Variants in SLC26A6 observed in about 807,000 individuals in gnomAD.
The protein encoded by SLC26A6 is solute carrier family 26 member 6.
A neutral mutation model predicts 87.1 loss-of-function variants in SLC26A6; 67 were observed. The ratio of observed to expected loss-of-function variants is 0.77; its 90% CI spans 0.63 to 0.94. SLC26A6 has a LOEUF of 0.94. Ranked by LOEUF, SLC26A6 falls within the 40% of genes least tolerant of loss-of-function variation. The pLI, the probability that SLC26A6 is intolerant of heterozygous loss-of-function variation, is 0.00. For missense variants in SLC26A6, 902 were observed against 973.0 expected (o/e 0.93, Z 0.97); for synonymous variants, 414 against 405.9 (o/e 1.02, Z -0.24).
At chr3:48,626,382 A>G in intron 19 of SLC26A6, 28 bp from the exon 20 acceptor site, 1 of 1,613,550 alleles carries the variant, frequency 6.2e-7, no homozygotes, top group Non-Finnish European at 8.5e-7. Context: ...GCCTCCCCTG[A>G]CTCTCAGAAC....
chr3:48,626,744 G>A (rs997358142), intron 18 of SLC26A6, 59 bp from the exon 19 acceptor site: 16 of 1,611,372 alleles, frequency 9.9e-6, no homozygotes, highest in East Asian at 8.9e-5. Flanking sequence ...AGGGGGGCTC[G>A]GGCAGGCTTG....
chr3:48,628,405 T>TG lies in SLC26A6; in HGVS notation c.1800+28dup. ...GGGGCAGGGAACAGGGGGCAGGAGATGGGGGTCACCAGACAAAAGGGGCCC... is the reference window on the plus strand; with the variant it reads ...GGGGCAGGGAACAGGGGGCAGGAGATGGGGGGTCACCAGACAAAAGGGGCCC... On this transcript the variant is annotated intron_variant, in intron 16 of 20. Transcript: ENST00000395550. This position sits in a 1 kb window ranked among gnomAD's most constrained non-coding sequence, Gnocchi z 4.4. 2 of 1,595,746 alleles carry TG rather than the reference T, an allele frequency of 1.3e-6. No homozygotes were observed. Among genetic ancestry groups the TG allele is most frequent in the Non-Finnish European group, 1.7e-6 (2 of 1,172,052 alleles).
chr3:48,629,532 A>G (rs986917273), intron 14 of SLC26A6, 110 bp downstream of exon 14: 49 of 1,248,996 alleles, frequency 3.9e-5, no homozygotes, highest in Non-Finnish European at 5.2e-5. Flanking sequence ...GACCAAAGCC[A>G]AAGTATCCTC....
rs372757804 is a variant in SLC26A6, at chr3:48,633,255, C to T, written c.318G>A (p.Pro106=). Residue 106 remains proline (P), a synonymous_variant, in exon 3 of 21, where the codon CCG becomes CCA. Transcript: ENST00000395550. ...SGLSVAIMQL[P]QGLAYALLAG... is the part of the protein sequence containing the mutation. ...GACGCACTGAAGGTGGCTCACCCTGCGGAAGCTGCATGATGGCCACACTCA... is the reference window on the plus strand; with the variant it reads ...GACGCACTGAAGGTGGCTCACCCTGTGGAAGCTGCATGATGGCCACACTCA... 69 of 1,612,652 alleles carry T rather than the reference C, an allele frequency of 4.3e-5. No homozygotes were observed. The African/African-American group carries it at 5.5e-4, about 13-fold the overall frequency.
Position 48,635,363 on chromosome 3 carries a change from G to A in SLC26A6, c.23+8C>T. 6.3e-7 allele frequency: 1 copy of A among 1,589,376 alleles called. No homozygotes were observed. The highest frequency in any genetic ancestry group is 8.6e-7 in the Non-Finnish European group (1 of 1,169,240). ...CGCGGGGCCACCGGGAATGTGCGCTGAACTCACCCCGACGCATCCGCCAGC... is the reference window on the plus strand; with the variant it reads ...CGCGGGGCCACCGGGAATGTGCGCTAAACTCACCCCGACGCATCCGCCAGC... On this transcript the variant is annotated splice_region_variant and intron_variant, in intron 1 of 20. Transcript: ENST00000395550.
chr3:48,627,147 TG>T, intron 17 of SLC26A6, 92 bp from the exon 18 acceptor site: 1 of 1,458,838 alleles, frequency 6.9e-7, no homozygotes. Flanking sequence ...CAAGGTCAGA[TG>T]GGGAGCATGC....
In SLC26A6 at chr3:48,627,991, G is replaced by T; in HGVS notation, c.1848C>A (p.Ser616Arg). ...CGTTGTTGCTCCTCATGTCTTCAAG[G>T]CTGGTGTTGACATTAATGGAAACTG... Reference protein sequence around the residue: ...GASVSINVNTSLEDMRSNNVE... With the variant: ...GASVSINVNTRLEDMRSNNVE... The change falls in exon 17 of 21, where the codon AGC becomes AGA. Residue 616 changes from serine (S) to arginine (R), a missense_variant. Ser to Arg is a moderately radical substitution (Grantham distance 110). Transcript: ENST00000395550. The T allele has an allele frequency of 1.3e-6, 2 of 1,594,186 alleles. No homozygotes were observed. The highest frequency in any genetic ancestry group is 1.1e-5 in the South Asian group (1 of 87,222).
In SLC26A6 at chr3:48,630,707, A is replaced by G; in HGVS notation, c.1148T>C (p.Leu383Pro). ...GCCTCCGATAAGGTTACTGAGGCCC[A>G]GGGCCACCAGCTCCTGACGGGGGAC... ...RVDSNQELVA[L>P]GLSNLIGGIF... The change falls in exon 10 of 21, where the codon CTG becomes CCG. Residue 383 changes from leucine to proline, a missense_variant. Transcript: ENST00000395550. The G allele has an allele frequency of 6.2e-7, 1 of 1,600,284 alleles. No individual in the cohort carries two copies. Among genetic ancestry groups the G allele is most frequent in the South Asian group, 1.1e-5 (1 of 89,356 alleles).
chr3:48,629,868 T>G lies in SLC26A6; in HGVS notation c.1529+4A>C. 6.2e-7 allele frequency: 1 copy of G among 1,614,048 alleles called. No individual in the cohort carries two copies. The highest frequency in any genetic ancestry group is 1.1e-5 in the South Asian group (1 of 91,070). On this transcript the variant is annotated splice_donor_region_variant and intron_variant, in intron 13 of 20. Transcript: ENST00000395550. ...GAATGAGGGGACCAACATGGCGGAC[T>G]CACATCTGTGTCCGGACCACCACGA...
In SLC26A6 at chr3:48,631,934, C is replaced by G; in HGVS notation, c.696G>C (p.Lys232Asn). The G allele has an allele frequency of 6.2e-7, 1 of 1,613,534 alleles. No homozygotes were observed. The highest frequency in any genetic ancestry group is 8.5e-7 in the Non-Finnish European group (1 of 1,180,028). Residue 232 changes from lysine to asparagine, a missense_variant, in exon 6 of 21, where the codon AAG (lysine) becomes AAC (asparagine). Physicochemically the swap from Lys to Asn is moderately conservative, Grantham distance 94. Around this residue, in one of 3 missense-constraint regions of SLC26A6, gnomAD observed 800 missense variants for 856.8 expected, o/e 0.93. Transcript: ENST00000395550. Reference sequence around the variant, plus strand: ...TGCTCAGATGGAGGCCAAACACATACTTGAGCTGTGAGACGAAGACCTGCA... The same window carrying G: ...TGCTCAGATGGAGGCCAAACACATAGTTGAGCTGTGAGACGAAGACCTGCA... Reference protein sequence around the residue: ...AAVQVFVSQLKYVFGLHLSSH... With the variant: ...AAVQVFVSQLNYVFGLHLSSH...
chr3:48,626,704 C>G lies in SLC26A6; in HGVS notation c.2074-19G>C, dbSNP rs541596881. 6.2e-7 allele frequency: 1 copy of G among 1,613,842 alleles called. No individual in the cohort carries two copies. Among genetic ancestry groups the G allele is most frequent in the African/African-American group, 1.3e-5 (1 of 75,036 alleles). On this transcript the variant is annotated intron_variant, in intron 18 of 20. Transcript: ENST00000395550. ...GGAAAATCTGTAGCGGAAAAGGGGG[C>G]CAGCCTCAGAGGGAGGCTCAGGGAC... is the stretch of plus-strand genomic sequence containing the variant.
rs149633395 is a variant in SLC26A6 at position 48,626,739 on chromosome 3, G to A, written c.2074-54C>T. ...AGGGAGGCTCAGGGACTCAGAGGGGGGCTCGGGCAGGCTTGGGGAGGGAGT... is the reference window on the plus strand; with the variant it reads ...AGGGAGGCTCAGGGACTCAGAGGGGAGCTCGGGCAGGCTTGGGGAGGGAGT... On this transcript the variant is annotated intron_variant, in intron 18 of 20. Transcript: ENST00000395550. 62 of 1,612,112 alleles carry A rather than the reference G, an allele frequency of 3.8e-5. No individual in the cohort carries two copies. In the South Asian group the frequency reaches 5.5e-4, roughly 14 times the overall value.
chr3:48,627,831 G>T, intron 17 of SLC26A6, 115 bp downstream of exon 17: 1 of 921,220 alleles, frequency 1.1e-6, no homozygotes, highest in Non-Finnish European at 1.6e-6. Context: ...TCCTGCCATC[G>T]GCGCAACACC....
chr3:48,635,446 C>T lies in SLC26A6; in HGVS notation c.-53G>A, dbSNP rs1332381994. The T allele has an allele frequency of 1.9e-5, 30 of 1,552,730 alleles. No individual in the cohort carries two copies. The highest frequency in any genetic ancestry group is 2.5e-5 in the Non-Finnish European group (29 of 1,150,462). ...CTCCTGCTGCTCGAGCTAGAGGCCG[C>T]TACGCTCCGGAAGGCGGCGCCGGGA... On this transcript the variant is annotated 5_prime_UTR_variant, in exon 1 of 21. Coordinates refer to ENST00000395550, the MANE Select transcript of SLC26A6 (RefSeq NM_022911.3).
intron 7 of SLC26A6, 82 bp from the exon 8 acceptor site, chr3:48,631,388 G>A: frequency 2.1e-6 from 3 of 1,403,544 alleles, no homozygotes; most frequent in Non-Finnish European, 2.8e-6. Flanking sequence ...GGTGAGGAGG[G>A]AGATACTGGG....
Position 48,633,897 on chromosome 3 carries a change from C to T in SLC26A6, c.24-262G>A, listed in dbSNP as rs1024967234. On this transcript the variant is annotated intron_variant, in intron 1 of 20. Transcript: ENST00000395550. ...ACTGCAGGATGAGCACTAGCTATACCTCCAGCCGAGATGTGGCAGCCCAGT... is the reference window on the plus strand; with the variant it reads ...ACTGCAGGATGAGCACTAGCTATACTTCCAGCCGAGATGTGGCAGCCCAGT... 5 of 1,360,538 alleles carry T rather than the reference C, an allele frequency of 3.7e-6. No individual in the cohort carries two copies. In the African/African-American group the frequency reaches 4.4e-5, roughly 12 times the overall value. 84.3% of individuals were successfully genotyped at this position (1,360,538 alleles called of 1,614,324 possible). A position where few individuals can be genotyped will look rare whatever the true frequency, so the allele number is the denominator to read the frequency against.
In SLC26A6 at chr3:48,628,382, G is replaced by A; in HGVS notation, c.1800+52C>T. ...AGTCGGGGGCCAGGAGAAAGGCTGG[G>A]GCAGGGAACAGGGGGCAGGAGATGG... On this transcript the variant is annotated intron_variant, in intron 16 of 20. Transcript: ENST00000395550. This position sits in a 1 kb window ranked among gnomAD's most constrained non-coding sequence, Gnocchi z 4.4. The A allele has an allele frequency of 6.2e-7, 1 of 1,609,674 alleles. No individual in the cohort carries two copies. The highest frequency in any genetic ancestry group is 1.1e-5 in the South Asian group (1 of 90,846).
At chr3:48,630,845 G>T in intron 9 of SLC26A6, 125 bp from the exon 10 acceptor site, 16 of 1,490,814 alleles carry the variant, frequency 1.1e-5, no homozygotes, top group Non-Finnish European at 1.5e-5. Flanking sequence ...ACTGGATGCT[G>T]TCCCACACGT....
At chr3:48,633,965 C>T (rs994669538) in intron 1 of SLC26A6, 3 of 863,062 alleles carry the variant, frequency 3.5e-6, no homozygotes, top group African/African-American at 1.8e-5. Flanking sequence ...GCTCCCTCCC[C>T]CACCCAGTCC....
Sources: gnomAD v4.1 joint callset for allele counts on GRCh38, gnomAD v4.1.1 for gene constraint, gnomAD v4.1.1 regional missense constraint, Gnocchi (gnomAD v3.1) non-coding constraint, MANE v1.5 for transcripts, NCBI Gene and HGNC (gene_info 2026-07-23, HGNC 2026-07-21) for gene names.